ZMIZ1: variants seen among roughly 807,000 people sequenced by gnomAD.
ZMIZ1 encodes zinc finger MIZ-type containing 1, also known as zinc finger MIZ domain-containing protein 1.
Under a neutral mutation model 113.9 loss-of-function variants are expected in ZMIZ1, and 17 were observed. The ratio of observed to expected loss-of-function variants is 0.15; its 90% CI spans 0.10 to 0.22. ZMIZ1 has a LOEUF of 0.22. Ranked by LOEUF, ZMIZ1 falls within the 10% of genes least tolerant of loss-of-function variation. The pLI is 1.00. For synonymous variants in ZMIZ1, 607 were observed against 603.1 expected, an observed-to-expected ratio of 1.01 and a Z score of -0.09; for missense variants, 1,059 against 1,477.8, an observed-to-expected ratio of 0.72 and a Z score of 4.65.
At chr10:79,079,187 A>T (rs1300384215) in intron 1 of ZMIZ1, among the ~76,000 whole-genome samples, 3 of 152,250 alleles carry the variant, frequency 2.0e-5, no homozygotes, top group Non-Finnish European at 4.4e-5. Flanking sequence ...GAGCAAGGCC[A>T]ACTGGGCAGA....
intron 4 of ZMIZ1, among the ~76,000 whole-genome samples, chr10:79,166,892 C>T (rs1320388747): frequency 6.6e-6 from 1 of 152,236 alleles, no homozygotes; most frequent in East Asian, 1.9e-4. Context: ...GTGCCTGCTG[C>T]GTGCCCAGCC....
At chr10:79,297,473 C>A in intron 13 of ZMIZ1, 140 bp from the exon 14 acceptor site, 2 of 725,060 alleles carry the variant, frequency 2.8e-6, no homozygotes, top group East Asian at 2.7e-5. Flanking sequence ...CTGTCCCGCC[C>A]TGCTCACTCA....
intron 4 of ZMIZ1, among the ~76,000 whole-genome samples, chr10:79,164,371 C>T (rs1367416583): frequency 6.6e-6 from 1 of 152,220 alleles, no homozygotes; most frequent in African/African-American, 2.4e-5. Context: ...TAGTCCCTGG[C>T]ACAGAGCAGT....
chr10:79,220,408 G>A (rs1215115763), intron 7 of ZMIZ1, among the ~76,000 whole-genome samples: 1 of 152,124 alleles, frequency 6.6e-6, no homozygotes, highest in African/African-American at 2.4e-5. Flanking sequence ...TGGGTGACCT[G>A]CAGTGTCCCT....
intron 4 of ZMIZ1, among the ~76,000 whole-genome samples, chr10:79,163,935 A>G (rs1294751664): frequency 1.3e-5 from 2 of 152,204 alleles, no homozygotes; most frequent in Non-Finnish European, 2.9e-5. Context: ...GATGTTTTTC[A>G]AGGTAATTCA....
At chr10:79,261,244 G>T (rs1481767950) in intron 7 of ZMIZ1, among the ~76,000 whole-genome samples, 1 of 152,204 alleles carries the variant, frequency 6.6e-6, no homozygotes, top group Non-Finnish European at 1.5e-5. Flanking sequence ...TGCCCAACTG[G>T]TGCGCGCTCA....
rs373449711 is a variant in ZMIZ1, at chr10:79,293,396, G to C, written c.973G>C (p.Ala325Pro). 2 of 1,516,526 alleles carry C rather than the reference G, an allele frequency of 1.3e-6. No homozygotes were observed. Among genetic ancestry groups the C allele is most frequent in the Non-Finnish European group, 1.8e-6 (2 of 1,133,382 alleles). The allele number at this position is 1,516,526 out of a possible 1,614,324, so 93.9% of individuals were successfully genotyped here. A position where few individuals can be genotyped will look rare whatever the true frequency, so the allele number is the denominator to read the frequency against. Residue 325 changes from alanine (A) to proline (P), a missense_variant, in exon 12 of 25, where the codon GCG (alanine) becomes CCG (proline). Ala to Pro is a conservative substitution (Grantham distance 27, BLOSUM62 -1). Coordinates refer to ENST00000334512, the MANE Select transcript of ZMIZ1 (RefSeq NM_020338.4). ...NQYGPMGPTQAYNSQFMNQPG... is the reference protein window; with the variant it reads ...NQYGPMGPTQPYNSQFMNQPG... ...CTCTTTCCAGATGGGTCCCACCCAG[G>C]CGTATAACAGCCAATTCATGAACCA...
chr10:79,138,657 C>T (rs951151181), intron 2 of ZMIZ1, among the ~76,000 whole-genome samples: 1 of 152,190 alleles, frequency 6.6e-6, no homozygotes, highest in African/African-American at 2.4e-5. Flanking sequence ...AGCCAGCCCG[C>T]CCCTCCTCCA....
intron 1 of ZMIZ1, among the ~76,000 whole-genome samples, chr10:79,070,973 A>G (rs1842263467): frequency 6.6e-6 from 1 of 152,146 alleles, no homozygotes; most frequent in African/African-American, 2.4e-5. Flanking sequence ...GTTCTCTCAG[A>G]GGTCCTCCAA....
intron 7 of ZMIZ1, among the ~76,000 whole-genome samples, chr10:79,230,029 T>G (rs1168543838): frequency 6.6e-6 from 1 of 152,186 alleles, no homozygotes; most frequent in Non-Finnish European, 1.5e-5. Flanking sequence ...AGGGAGGGAC[T>G]GAGCCAGGAT....
intron 2 of ZMIZ1, among the ~76,000 whole-genome samples, chr10:79,128,192 C>A (rs906546132): frequency 2.0e-5 from 3 of 152,134 alleles, no homozygotes; most frequent in Non-Finnish European, 1.5e-5. Flanking sequence ...GTTGACTACT[C>A]CACCCCTAGG....
intron 3 of ZMIZ1, among the ~76,000 whole-genome samples, chr10:79,141,306 G>A (rs552361547): frequency 1.3e-5 from 2 of 152,192 alleles, no homozygotes; most frequent in East Asian, 1.9e-4. Context: ...CCCTTACGGC[G>A]CTTGTACTCT....
At chr10:79,309,540 G>T (rs1190311750) in intron 23 of ZMIZ1, among the ~76,000 whole-genome samples, 1 of 152,212 alleles carries the variant, frequency 6.6e-6, no homozygotes, top group Non-Finnish European at 1.5e-5. Context: ...TCATTCTTGG[G>T]GCTTGGACTG....
At chr10:79,293,258 C>T (rs1347004134) in intron 11 of ZMIZ1, 123 bp from the exon 12 acceptor site, 18 of 1,377,388 alleles carry the variant, frequency 1.3e-5, no homozygotes, top group Non-Finnish European at 1.7e-5. Flanking sequence ...CACTGCCGCA[C>T]AGGACAGTGC....
Position 79,111,634 on chromosome 10 carries a change from A to G in ZMIZ1, c.-336-7281A>G, listed in dbSNP as rs139834068. On this transcript the variant is annotated intron_variant, in intron 1 of 24. Transcript: ENST00000334512. ...AGACCTTGGCACCAGCTACTCGGAG[A>G]TCTTGACTCAAGAGTTAATGATTCA... Among the ~76,000 whole-genome samples, 11 of 152,292 alleles carry G rather than the reference A, an allele frequency of 7.2e-5. No individual in the cohort carries two copies. The East Asian group carries it at 2.1e-3, about 29-fold the overall frequency.
At chr10:79,154,915 A>G (rs965804435) in intron 3 of ZMIZ1, among the ~76,000 whole-genome samples, 2 of 152,238 alleles carry the variant, frequency 1.3e-5, no homozygotes, top group Non-Finnish European at 1.5e-5. Context: ...GCCAGTGATA[A>G]TAATGACTTA....
chr10:79,106,847 C>T (rs1843577951), intron 1 of ZMIZ1, among the ~76,000 whole-genome samples: 1 of 152,256 alleles, frequency 6.6e-6, no homozygotes, highest in South Asian at 2.1e-4. Context: ...TCACTACAGG[C>T]ATCGTGCAGG....
rs1848085714 is a variant in ZMIZ1, at chr10:79,201,668, T to C, written c.36T>C (p.Asn12=). Residue 12 remains asparagine, a synonymous_variant, in exon 5 of 25, where the codon AAT becomes AAC. Coordinates refer to ENST00000334512, the MANE Select transcript of ZMIZ1 (RefSeq NM_020338.4). The part of the protein sequence containing the change: ...NSMDRHIQQT[N]DRLQCIKQHL... ...TGGACAGGCACATCCAGCAGACCAA[T>C]GACCGACTGCAGTGCATCAAGCAGG... The C allele has an allele frequency of 6.2e-7, 1 of 1,613,350 alleles. No individual in the cohort carries two copies. Among genetic ancestry groups the C allele is most frequent in the Admixed American group, 1.7e-5 (1 of 59,962 alleles).
At chr10:79,188,813 A>C (rs1009962708) in intron 4 of ZMIZ1, among the ~76,000 whole-genome samples, 1 of 152,220 alleles carries the variant, frequency 6.6e-6, no homozygotes, top group Non-Finnish European at 1.5e-5. Flanking sequence ...CATTTTTGCC[A>C]TCCAGTAACA....
Sources: gnomAD v4.1 joint callset for allele counts (sites outside exome capture counted in the v4.1 genomes callset) on GRCh38, gnomAD v4.1.1 for gene constraint, MANE v1.5 for transcripts, NCBI Gene and HGNC (gene_info 2026-07-23, HGNC 2026-07-21) for gene names.